The following UNC5D variants were observed in gnomAD, a reference collection of about 807,000 sequenced individuals.
The protein encoded by UNC5D is netrin receptor UNC5D.
In UNC5D, 39 loss-of-function variants were observed where a neutral mutation model predicts 105.4. That is an observed-to-expected ratio of 0.37 (90% CI 0.29 to 0.48). UNC5D has a LOEUF of 0.48. Among genes scored for constraint, UNC5D ranks in the 20% least tolerant of loss-of-function variants. The pLI is 0.98. For missense variants in UNC5D, 991 were observed against 1,202.4 expected (o/e 0.82, Z 2.60); for synonymous variants, 452 against 450.4 (o/e 1.00, Z -0.04).
intron 1 of UNC5D, among the ~76,000 whole-genome samples, chr8:35,384,690 C>A (rs1803272709): frequency 6.6e-6 from 1 of 152,160 alleles, no homozygotes; most frequent in Non-Finnish European, 1.5e-5. Flanking sequence ...ATAGCTTGTG[C>A]CGATTAATTA....
At chr8:35,522,011 G>T (rs940396663) in intron 1 of UNC5D, among the ~76,000 whole-genome samples, 2 of 152,014 alleles carry the variant, frequency 1.3e-5, no homozygotes, top group East Asian at 3.9e-4. Context: ...TAACATCCCC[G>T]GAGGAACAGT....
At chr8:35,778,352 T>C (rs73578285) in intron 16 of UNC5D, among the ~76,000 whole-genome samples, 6,198 of 152,276 alleles carry the variant, frequency 0.041, 419 homozygotes, top group African/African-American at 0.14. Context: ...TTTTTAGTAC[T>C]GTCCCGAAGA....
chr8:35,405,518 T>C (rs1804748122), intron 1 of UNC5D, among the ~76,000 whole-genome samples: 1 of 152,174 alleles, frequency 6.6e-6, no homozygotes. Flanking sequence ...TTAATAATAA[T>C]TGGAAATGAT....
intron 1 of UNC5D, among the ~76,000 whole-genome samples, chr8:35,530,123 T>C (rs1465804812): frequency 2.6e-4 from 40 of 151,940 alleles, no homozygotes; most frequent in Non-Finnish European, 4.6e-4. Context: ...TGTCTTGTGC[T>C]AGTTTTCAAA....
chr8:35,295,839 T>C (rs778505904), intron 1 of UNC5D, among the ~76,000 whole-genome samples: 76 of 152,296 alleles, frequency 5.0e-4, no homozygotes, highest in African/African-American at 1.7e-3. Flanking sequence ...TTTCCTCCAC[T>C]CCTCAGCCTC....
At chr8:35,725,896 G>A (rs2131551388) in intron 9 of UNC5D, among the ~76,000 whole-genome samples, 1 of 152,282 alleles carries the variant, frequency 6.6e-6, no homozygotes. Context: ...GTTTTGAAAA[G>A]ATAGCACGGA....
chr8:35,496,004 A>C (rs1042888324), intron 1 of UNC5D, among the ~76,000 whole-genome samples: 1 of 152,188 alleles, frequency 6.6e-6, no homozygotes, highest in African/African-American at 2.4e-5. Flanking sequence ...AATCCACCTC[A>C]TCATAGTGGG....
intron 1 of UNC5D, among the ~76,000 whole-genome samples, chr8:35,354,531 A>G (rs770561450): frequency 6.6e-6 from 1 of 152,120 alleles, no homozygotes; most frequent in Non-Finnish European, 1.5e-5. Context: ...TGCTTAGTTT[A>G]TATAGTACCC....
intron 3 of UNC5D, among the ~76,000 whole-genome samples, chr8:35,571,828 T>G (rs1216552637): frequency 6.6e-6 from 1 of 152,166 alleles, no homozygotes; most frequent in Non-Finnish European, 1.5e-5. Flanking sequence ...TAAATGAGGA[T>G]TTTGATAGAT....
At chr8:35,412,414 A>G (rs1805234170) in intron 1 of UNC5D, among the ~76,000 whole-genome samples, 1 of 151,980 alleles carries the variant, frequency 6.6e-6, no homozygotes. Context: ...CCCTTGGGCT[A>G]AGGATGCTCA....
chr8:35,558,030 G>A (rs1296149554), intron 2 of UNC5D, among the ~76,000 whole-genome samples: 1 of 151,514 alleles, frequency 6.6e-6, no homozygotes, highest in Non-Finnish European at 1.5e-5. Flanking sequence ...TGAGGCTGAG[G>A]CAGGAGAATC....
chr8:35,525,830 G>A, intron 1 of UNC5D: 1 of 1,400,346 alleles, frequency 7.1e-7, no homozygotes, highest in Admixed American at 2.8e-5. Flanking sequence ...AAAGCAATGT[G>A]TTACTTCAAA....
At chr8:35,511,743 A>AAT (rs1812722227) in intron 1 of UNC5D, among the ~76,000 whole-genome samples, 1 of 126,868 alleles carries the variant, frequency 7.9e-6, no homozygotes, top group African/African-American at 4.5e-5. Context: ...AAAAAAAATT[A>AAT]AAAAAAAAAA....
At chr8:35,440,910 C>T (rs762741628) in intron 1 of UNC5D, among the ~76,000 whole-genome samples, 1 of 151,916 alleles carries the variant, frequency 6.6e-6, no homozygotes, top group African/African-American at 2.4e-5. Flanking sequence ...CCATGAAAGA[C>T]TATACATGTT....
intron 1 of UNC5D, among the ~76,000 whole-genome samples, chr8:35,529,985 C>T (rs1814215814): frequency 6.6e-6 from 1 of 150,588 alleles, no homozygotes; most frequent in African/African-American, 2.4e-5. Context: ...ATCATGTCAT[C>T]TGCAAACAGG....
At chr8:35,373,845 T>A (rs1451188114) in intron 1 of UNC5D, among the ~76,000 whole-genome samples, 2 of 152,190 alleles carry the variant, frequency 1.3e-5, no homozygotes, top group Non-Finnish European at 2.9e-5. Context: ...TGATAGACAC[T>A]TCACCACTGA....
chr8:35,308,446 A>C (rs1182598910), intron 1 of UNC5D, among the ~76,000 whole-genome samples: 2 of 152,092 alleles, frequency 1.3e-5, no homozygotes, highest in Non-Finnish European at 2.9e-5. Flanking sequence ...AAATTTATTC[A>C]TTTGGGCCCT....
At position 35,412,254 on chromosome 8, in the gene UNC5D, T is replaced by C. The variant is rs1016167878; in HGVS notation, c.104-137038T>C. Among the ~76,000 whole-genome samples the C allele has an allele frequency of 3.7e-4, 56 of 152,098 alleles. 1 individual carries two copies. Among genetic ancestry groups the C allele is most frequent in the Non-Finnish European group, 7.9e-4 (54 of 67,988 alleles). The stretch of plus-strand genomic sequence containing the variant: ...CTCCATTGGGCACCAGTTAGGATTA[T>C]ACTTAAATTGTCCTCACTGACAGTA... On this transcript the variant is annotated intron_variant, in intron 1 of 16. Coordinates refer to ENST00000404895, the MANE Select transcript of UNC5D (RefSeq NM_080872.4).
chr8:35,269,863 A>C (rs1358927267), intron 1 of UNC5D, among the ~76,000 whole-genome samples: 1 of 152,146 alleles, frequency 6.6e-6, no homozygotes, highest in Non-Finnish European at 1.5e-5. Context: ...ATTCAAACTC[A>C]GGTCTGTGAC....
Sources: allele counts gnomAD v4.1 joint callset (sites outside exome capture counted in the v4.1 genomes callset), GRCh38; gene constraint gnomAD v4.1.1; transcripts MANE v1.5; gene names NCBI Gene and HGNC (gene_info 2026-07-23, HGNC 2026-07-21).